Variants in SEMA5A observed in about 807,000 individuals in gnomAD.
The protein encoded by SEMA5A is semaphorin 5A, also known as semaphorin-5A.
SEMA5A carries 55 observed loss-of-function variants against 135.5 expected under a neutral mutation model. The observed-to-expected ratio is 0.41, with a 90% CI of 0.33 to 0.51. The LOEUF (loss-of-function observed/expected upper bound fraction) is 0.51, where lower values mean the gene tolerates loss of function less well. Among genes scored for constraint, SEMA5A ranks in the 20% least tolerant of loss-of-function variants. SEMA5A has a pLI of 0.37. For missense variants in SEMA5A, 1,290 were observed against 1,419.9 expected (o/e 0.91, Z 1.47); for synonymous variants, 580 against 546.5 (o/e 1.06, Z -0.85).
chr5:9,502,275 T>C lies in SEMA5A; in HGVS notation c.-175+43309A>G, dbSNP rs142752279. ...CAGAGGATGGGTGTAACACGCATAG[T>C]TGGAATTTAAATAAAAGCAGAAGCA... On this transcript the variant is annotated intron_variant, in intron 1 of 22. Transcript: ENST00000382496. 7.6e-3 allele frequency among the ~76,000 whole-genome samples: 1,159 copies of C among 152,182 alleles called. 14 individuals carry two copies. The highest frequency in any genetic ancestry group is 0.012 in the Non-Finnish European group (824 of 68,002).
chr5:9,504,822 C>G (rs768787541), intron 1 of SEMA5A, among the ~76,000 whole-genome samples: 1 of 152,242 alleles, frequency 6.6e-6, no homozygotes, highest in Non-Finnish European at 1.5e-5. Flanking sequence ...GCGGATTATA[C>G]CCTGATGTCC....
At chr5:9,393,983 T>C (rs1756278327) in intron 2 of SEMA5A, among the ~76,000 whole-genome samples, 2 of 151,814 alleles carry the variant, frequency 1.3e-5, no homozygotes, top group South Asian at 2.1e-4. Context: ...AATAAGAACG[T>C]TGAGAGAAAA....
chr5:9,353,317 A>ATGAAAGGAAATGAAAGGAAAGGAAAG (rs1261140956), intron 3 of SEMA5A, among the ~76,000 whole-genome samples: 12,471 of 49,310 alleles, frequency 0.25, 294 homozygotes, highest in South Asian at 0.32. Flanking sequence ...GGGAAGGGAA[A>ATGAAAGGAAATGAAAGGAAAGGAAAG]GGAAGGAAAG....
In SEMA5A at chr5:9,353,270, G is replaced by C. The variant is rs1326003534; in HGVS notation, c.125-15458C>G. ...GGAAGGGAAGGGAAGGGAAGCAAAG[G>C]AAAGGAAAGGAAAGGAGGGAAAGGA... On this transcript the variant is annotated intron_variant, in intron 3 of 22. Transcript: ENST00000382496. 1.5e-3 allele frequency among the ~76,000 whole-genome samples: 215 copies of C among 142,130 alleles called. 9 individuals carry two copies. Among genetic ancestry groups the C allele is most frequent in the African/African-American group, 5.6e-3 (210 of 37,186 alleles). The allele number at this position is 142,130 out of a possible 152,430, so 93.2% of individuals were successfully genotyped here. A position where few individuals can be genotyped will look rare whatever the true frequency, so the allele number is the denominator to read the frequency against.
At chr5:9,118,935 C>T in intron 15 of SEMA5A, 63 bp downstream of exon 15, 2 of 1,575,294 alleles carry the variant, frequency 1.3e-6, no homozygotes, top group Non-Finnish European at 8.6e-7. Context: ...GCGGGGAACT[C>T]GACCTGGCCG....
chr5:9,358,180 T>C (rs1264015097), intron 3 of SEMA5A, among the ~76,000 whole-genome samples: 1 of 152,142 alleles, frequency 6.6e-6, no homozygotes, highest in African/African-American at 2.4e-5. Context: ...CCAAGTCTGT[T>C]CCTTGGTGCC....
chr5:9,536,585 C>T (rs1384736646), intron 1 of SEMA5A, among the ~76,000 whole-genome samples: 2 of 151,168 alleles, frequency 1.3e-5, no homozygotes, highest in East Asian at 3.9e-4. Context: ...TGCACTCCAG[C>T]CTGGAGAACA....
At chr5:9,326,138 G>A (rs1422223519) in intron 4 of SEMA5A, among the ~76,000 whole-genome samples, 2 of 152,172 alleles carry the variant, frequency 1.3e-5, no homozygotes, top group Non-Finnish European at 2.9e-5. Context: ...TTTCCTCACT[G>A]CAAGTTTCCT....
intron 13 of SEMA5A, among the ~76,000 whole-genome samples, chr5:9,130,417 A>G (rs75105753): frequency 1.3e-5 from 2 of 152,210 alleles, no homozygotes; most frequent in Non-Finnish European, 2.9e-5. Flanking sequence ...TATGATATCA[A>G]CTAAGCATCA....
At chr5:9,491,162 C>G (rs191869124) in intron 1 of SEMA5A, among the ~76,000 whole-genome samples, 45 of 152,166 alleles carry the variant, frequency 3.0e-4, no homozygotes, top group African/African-American at 1.1e-3. Context: ...AACGGTCATA[C>G]TTATATGACA....
At chr5:9,538,458 A>G (rs1414828360) in intron 1 of SEMA5A, among the ~76,000 whole-genome samples, 1 of 152,152 alleles carries the variant, frequency 6.6e-6, no homozygotes, top group African/African-American at 2.4e-5. Context: ...CTCCCCCATC[A>G]AAGGACAGCA....
At chr5:9,149,207 T>G (rs890382604) in intron 12 of SEMA5A, among the ~76,000 whole-genome samples, 2 of 152,222 alleles carry the variant, frequency 1.3e-5, no homozygotes, top group African/African-American at 4.8e-5. Flanking sequence ...ATGGCTGCTT[T>G]CACACTGCAA....
At chr5:9,165,305 C>A (rs1476447487) in intron 11 of SEMA5A, among the ~76,000 whole-genome samples, 1 of 151,858 alleles carries the variant, frequency 6.6e-6, no homozygotes, top group African/African-American at 2.4e-5. Flanking sequence ...AAGTCCTACC[C>A]ACAAAGAAAA....
At chr5:9,269,663 G>C (rs2150535228) in intron 5 of SEMA5A, among the ~76,000 whole-genome samples, 1 of 152,188 alleles carries the variant, frequency 6.6e-6, no homozygotes, top group South Asian at 2.1e-4. Flanking sequence ...TAGCAAAAGA[G>C]ACATAAAATA....
chr5:9,292,155 C>G (rs914840552), intron 5 of SEMA5A, among the ~76,000 whole-genome samples: 1 of 147,702 alleles, frequency 6.8e-6, no homozygotes, highest in Admixed American at 6.7e-5. Context: ...TGGACTTATA[C>G]AAGTATTTAA....
intron 5 of SEMA5A, among the ~76,000 whole-genome samples, chr5:9,256,916 G>A (rs1463252909): frequency 6.6e-6 from 1 of 152,188 alleles, no homozygotes; most frequent in Non-Finnish European, 1.5e-5. Context: ...TTTGCATTTA[G>A]TTTTCAAATT....
chr5:9,243,864 C>T (rs1748340177), intron 5 of SEMA5A, among the ~76,000 whole-genome samples: 1 of 152,216 alleles, frequency 6.6e-6, no homozygotes, highest in East Asian at 1.9e-4. Flanking sequence ...CCCCTTCTTA[C>T]CTGATTTTTA....
chr5:9,291,539 G>C (rs564377678), intron 5 of SEMA5A, among the ~76,000 whole-genome samples: 4 of 151,956 alleles, frequency 2.6e-5, no homozygotes, highest in East Asian at 3.9e-4. Flanking sequence ...GAGATGACAT[G>C]GTGGGCAAAA....
intron 8 of SEMA5A, among the ~76,000 whole-genome samples, chr5:9,205,393 T>C (rs533205324): frequency 1.1e-4 from 17 of 152,162 alleles, no homozygotes; most frequent in Non-Finnish European, 1.6e-4. Context: ...TTGGAAAGTG[T>C]TTGACCCAAC....
Sources: gnomAD v4.1 joint callset for allele counts (sites outside exome capture counted in the v4.1 genomes callset) on GRCh38, gnomAD v4.1.1 for gene constraint, MANE v1.5 for transcripts, NCBI Gene and HGNC (gene_info 2026-07-23, HGNC 2026-07-21) for gene names.